Variants in RPS6KC1 observed in about 807,000 individuals in gnomAD.
The protein encoded by RPS6KC1 is inactive ribosomal protein S6 kinase delta-1.
Under a neutral mutation model 103.8 loss-of-function variants are expected in RPS6KC1, and 54 were observed. The observed-to-expected ratio is 0.52, with a 90% confidence interval of 0.42 to 0.65. RPS6KC1 has a LOEUF of 0.65. RPS6KC1 is among the 30% of genes least tolerant of loss of function. The pLI, the probability that RPS6KC1 is intolerant of heterozygous loss-of-function variation, is 0.00. For missense variants in RPS6KC1, 1,151 were observed against 1,253.8 expected (o/e 0.92, Z 1.24); for synonymous variants, 439 against 438.7 (o/e 1.00, Z -0.01).
chr1:213,409,866 G>A, the RPS6KC1 span, among the ~76,000 whole-genome samples: 6 of 152,330 alleles, frequency 3.9e-5, no homozygotes, highest in Non-Finnish European at 7.3e-5. Context: ...TGATACTACA[G>A]TGTTATAATT....
intron 3 of RPS6KC1, among the ~76,000 whole-genome samples, chr1:213,089,962 T>A (rs2080815979): frequency 6.6e-6 from 1 of 152,232 alleles, no homozygotes; most frequent in Non-Finnish European, 1.5e-5. Context: ...TCAGTCCAGC[T>A]ATCAATTATC....
chr1:213,719,670 G>A, the RPS6KC1 span, among the ~76,000 whole-genome samples: 1 of 152,208 alleles, frequency 6.6e-6, no homozygotes, highest in African/African-American at 2.4e-5. Context: ...AGGCATGGAA[G>A]GATGTGGTCT....
chr1:213,248,160 T>C (rs2094485015), intron 12 of RPS6KC1, among the ~76,000 whole-genome samples: 1 of 152,140 alleles, frequency 6.6e-6, no homozygotes, highest in South Asian at 2.1e-4. Flanking sequence ...AATATAGATG[T>C]ATATTTCAAA....
intron 7 of RPS6KC1, among the ~76,000 whole-genome samples, chr1:213,171,560 G>A (rs1469913687): frequency 6.6e-6 from 1 of 152,164 alleles, no homozygotes; most frequent in Admixed American, 6.5e-5. Context: ...GTGTGAATAT[G>A]TTTTTATGCA....
the RPS6KC1 span, among the ~76,000 whole-genome samples, chr1:213,793,616 G>A: frequency 6.6e-6 from 1 of 152,156 alleles, no homozygotes; most frequent in African/African-American, 2.4e-5. Flanking sequence ...ATGGATGCCA[G>A]AGCACAGACC....
the RPS6KC1 span, among the ~76,000 whole-genome samples, chr1:213,280,445 A>G: frequency 1.3e-5 from 2 of 152,214 alleles, no homozygotes; most frequent in Non-Finnish European, 2.9e-5. Flanking sequence ...GAAATTCAGT[A>G]TTTAGTCCCT....
At chr1:213,680,864 G>T in the RPS6KC1 span, among the ~76,000 whole-genome samples, 1 of 152,176 alleles carries the variant, frequency 6.6e-6, no homozygotes, top group Non-Finnish European at 1.5e-5. Context: ...CTGTGACTGG[G>T]CTCAAAATGG....
At chr1:213,282,620 GT>G in the RPS6KC1 span, among the ~76,000 whole-genome samples, 1 of 152,236 alleles carries the variant, frequency 6.6e-6, no homozygotes, top group African/African-American at 2.4e-5. Flanking sequence ...TATGCGAAGG[GT>G]CTTTCCGAGG....
chr1:213,316,935 G>A, the RPS6KC1 span, among the ~76,000 whole-genome samples: 1 of 152,182 alleles, frequency 6.6e-6, no homozygotes, highest in Non-Finnish European at 1.5e-5. Flanking sequence ...GGGGCAGAGT[G>A]AGCCAAGGGG....
chr1:213,152,359 C>T (rs1186587228), intron 6 of RPS6KC1, among the ~76,000 whole-genome samples: 6 of 141,212 alleles, frequency 4.2e-5, no homozygotes, highest in South Asian at 2.2e-4. Context: ...CCGGACGGGG[C>T]GGCTGATGGG....
the RPS6KC1 span, among the ~76,000 whole-genome samples, chr1:213,649,274 AG>A: frequency 6.7e-6 from 1 of 150,296 alleles, no homozygotes; most frequent in Non-Finnish European, 1.5e-5. Flanking sequence ...AAAAAAAAAA[AG>A]TCTCCAACAA....
chr1:213,360,916 G>A, the RPS6KC1 span, among the ~76,000 whole-genome samples: 3 of 152,218 alleles, frequency 2.0e-5, no homozygotes, highest in Non-Finnish European at 4.4e-5. Flanking sequence ...CATTTCTCTG[G>A]AGGTTTCCTC....
At chr1:213,120,238 G>C (rs1240008031) in intron 5 of RPS6KC1, among the ~76,000 whole-genome samples, 1 of 152,134 alleles carries the variant, frequency 6.6e-6, no homozygotes, top group Non-Finnish European at 1.5e-5. Flanking sequence ...GATCCATGAA[G>C]AATGAAAACC....
intron 6 of RPS6KC1, among the ~76,000 whole-genome samples, chr1:213,152,094 G>C (rs2089147577): frequency 7.1e-6 from 1 of 141,010 alleles, no homozygotes; most frequent in African/African-American, 2.7e-5. Context: ...GCGGCTGGCT[G>C]GGCAGAGGGG....
the RPS6KC1 span, among the ~76,000 whole-genome samples, chr1:213,569,072 G>C: frequency 1.3e-5 from 2 of 152,188 alleles, no homozygotes; most frequent in Non-Finnish European, 2.9e-5. Context: ...TGTAGCATTT[G>C]GGTGGAGTGG....
the RPS6KC1 span, among the ~76,000 whole-genome samples, chr1:213,627,757 A>G: frequency 6.6e-6 from 1 of 152,340 alleles, no homozygotes; most frequent in East Asian, 1.9e-4. Context: ...CCAACCTTGC[A>G]TCCCAGGCAT....
the RPS6KC1 span, among the ~76,000 whole-genome samples, chr1:213,405,856 T>C: frequency 1.3e-5 from 2 of 151,982 alleles, no homozygotes; most frequent in Admixed American, 6.5e-5. Flanking sequence ...GGTGGGAGTA[T>C]AGGAGGACTC....
intron 12 of RPS6KC1, among the ~76,000 whole-genome samples, chr1:213,257,107 G>A (rs1453865143): frequency 6.6e-6 from 1 of 152,154 alleles, no homozygotes; most frequent in Non-Finnish European, 1.5e-5. Flanking sequence ...CTGAGGCTCA[G>A]GAATATGGAC....
chr1:213,582,578 C>G, the RPS6KC1 span, among the ~76,000 whole-genome samples: 195 of 152,234 alleles, frequency 1.3e-3, no homozygotes, highest in Non-Finnish European at 2.2e-3. Flanking sequence ...AAAAAGTTAA[C>G]TTTATATAAT....
Sources: gnomAD v4.1 joint callset for allele counts (sites outside exome capture counted in the v4.1 genomes callset) on GRCh38, gnomAD v4.1.1 for gene constraint, MANE v1.5 for transcripts, NCBI Gene and HGNC (gene_info 2026-07-23, HGNC 2026-07-21) for gene names.